The following IGFBP2 variants were observed in gnomAD, a reference collection of about 807,000 sequenced individuals.
The protein encoded by IGFBP2 is insulin-like growth factor-binding protein 2.
A neutral mutation model predicts 26.2 loss-of-function variants in IGFBP2; 12 were observed. The observed-to-expected ratio is 0.46, with a 90% CI of 0.29 to 0.74. The LOEUF is 0.74. Ranked by LOEUF, IGFBP2 falls within the 30% of genes least tolerant of loss-of-function variation. The pLI, the probability that IGFBP2 is intolerant of heterozygous loss-of-function variation, is 0.09. For missense variants in IGFBP2, 328 were observed against 441.2 expected (o/e 0.74, Z 2.30); for synonymous variants, 189 against 200.6 (o/e 0.94, Z 0.49).
intron 1 of IGFBP2, among the ~76,000 whole-genome samples, chr2:216,656,145 C>T (rs1697918824): frequency 6.6e-6 from 1 of 152,076 alleles, no homozygotes; most frequent in Admixed American, 6.5e-5. Flanking sequence ...AATGTGTTTC[C>T]AGAGATTGCA....
chr2:216,634,517 C>T (rs1391147852), intron 1 of IGFBP2, among the ~76,000 whole-genome samples: 1 of 152,110 alleles, frequency 6.6e-6, no homozygotes, highest in African/African-American at 2.4e-5. Context: ...GGATGAGTCG[C>T]TTAGGAGAAA....
At chr2:216,645,670 G>A (rs1013061734) in intron 1 of IGFBP2, among the ~76,000 whole-genome samples, 2 of 152,180 alleles carry the variant, frequency 1.3e-5, no homozygotes, top group Admixed American at 6.5e-5. Flanking sequence ...GGCAGACACC[G>A]CTTTTGGACG....
chr2:216,647,021 A>G (rs572472520), intron 1 of IGFBP2, among the ~76,000 whole-genome samples: 20 of 152,332 alleles, frequency 1.3e-4, no homozygotes, highest in African/African-American at 4.3e-4. Flanking sequence ...CAAGAAAAGC[A>G]TTTTAGAAAG....
intron 1 of IGFBP2, among the ~76,000 whole-genome samples, chr2:216,649,058 A>C (rs911847148): frequency 6.6e-6 from 1 of 152,238 alleles, no homozygotes; most frequent in African/African-American, 2.4e-5. Flanking sequence ...TTTCTTAGCT[A>C]AGCAGACTTG....
Position 216,661,999 on chromosome 2 carries a change from G to GT in IGFBP2, c.813+2dup. The GT allele has an allele frequency of 6.2e-7, 1 of 1,613,988 alleles. No homozygotes were observed. The highest frequency in any genetic ancestry group is 8.5e-7 in the Non-Finnish European group (1 of 1,179,950). On this transcript the variant is annotated splice_donor_variant, in intron 3 of 3. Transcript: ENST00000233809. LOFTEE classifies it high-confidence loss of function. ...GCATGGCCTGTACAACCTCAAACAG[G>GT]TGAGCATGGTGCCAGCCTGGGCCAG... is the stretch of plus-strand genomic sequence containing the variant.
intron 1 of IGFBP2, among the ~76,000 whole-genome samples, chr2:216,636,098 G>T (rs1345225769): frequency 6.6e-6 from 1 of 152,150 alleles, no homozygotes; most frequent in Non-Finnish European, 1.5e-5. Context: ...AAGGGGTCAA[G>T]GTTGGAGGCT....
chr2:216,635,968 G>T (rs975388289), intron 1 of IGFBP2, among the ~76,000 whole-genome samples: 1 of 152,030 alleles, frequency 6.6e-6, no homozygotes, highest in Non-Finnish European at 1.5e-5. Flanking sequence ...GGGTGGGGCT[G>T]GAAGCTGAGT....
chr2:216,647,665 GCC>G, intron 1 of IGFBP2, among the ~76,000 whole-genome samples: 9 of 151,904 alleles, frequency 5.9e-5, no homozygotes, highest in Non-Finnish European at 1.3e-4. Context: ...GACTACAGGC[GCC>G]CACCACCACG....
In IGFBP2 at chr2:216,637,473, A is replaced by C. The variant is rs541234771; in HGVS notation, c.442+3508A>C. Among the ~76,000 whole-genome samples the C allele has an allele frequency of 3.9e-5, 6 of 152,356 alleles. No individual in the cohort carries two copies. The East Asian group carries it at 1.2e-3, about 29-fold the overall frequency. On this transcript the variant is annotated intron_variant, in intron 1 of 3. Coordinates refer to ENST00000233809, the MANE Select transcript of IGFBP2 (RefSeq NM_000597.3). ...GGCTGCAGTTTGAGGAAGCTGCAGA[A>C]TCCGGGTCTTCTTTGTTTGAAATTT...
upstream of IGFBP2, chr2:216,632,903 A>C (rs991360334): frequency 2.0e-5 from 3 of 152,130 alleles, no homozygotes; most frequent in African/African-American, 7.2e-5. Context: ...ACGGGTCTGA[A>C]ACTCCGCAGG....
intron 1 of IGFBP2, among the ~76,000 whole-genome samples, chr2:216,657,096 T>G (rs967478600): frequency 1.3e-5 from 2 of 151,826 alleles, no homozygotes; most frequent in African/African-American, 4.8e-5. Context: ...TGGGAGGGAG[T>G]CAAAGGGCTC....
At chr2:216,637,301 G>A (rs902628868) in intron 1 of IGFBP2, among the ~76,000 whole-genome samples, 3 of 152,194 alleles carry the variant, frequency 2.0e-5, no homozygotes, top group Non-Finnish European at 4.4e-5. Context: ...ATGGGGAAGC[G>A]CCTGTCTAGG....
intron 1 of IGFBP2, among the ~76,000 whole-genome samples, chr2:216,657,408 C>T (rs1395121199): frequency 6.6e-5 from 10 of 152,306 alleles, no homozygotes; most frequent in Non-Finnish European, 4.4e-5. Context: ...AGACTTTCCC[C>T]GGCCTTTCTC....
intron 1 of IGFBP2, among the ~76,000 whole-genome samples, chr2:216,656,624 T>C (rs2106203340): frequency 1.3e-5 from 2 of 152,188 alleles, no homozygotes; most frequent in Middle Eastern, 6.8e-3. Flanking sequence ...ACATCTGGAG[T>C]ACACTGGATG....
chr2:216,636,724 C>T (rs1488995503), intron 1 of IGFBP2, among the ~76,000 whole-genome samples: 1 of 152,154 alleles, frequency 6.6e-6, no homozygotes, highest in African/African-American at 2.4e-5. Context: ...TTGGGCCAGT[C>T]CAGGCCCTTT....
chr2:216,651,542 A>G (rs894726099), intron 1 of IGFBP2, among the ~76,000 whole-genome samples: 3 of 152,236 alleles, frequency 2.0e-5, no homozygotes, highest in African/African-American at 7.2e-5. Context: ...AAGGACTTCT[A>G]TTAAATGGCA....
intron 2 of IGFBP2, 122 bp downstream of exon 2, chr2:216,660,908 T>C (rs1688627095): frequency 6.9e-6 from 5 of 724,342 alleles, no homozygotes; most frequent in Non-Finnish European, 1.2e-5. Flanking sequence ...CACTTTTCTT[T>C]CCACAAACAT....
chr2:216,633,948 G>A lies in IGFBP2; in HGVS notation c.425G>A (p.Ser142Asn), dbSNP rs752511296. The A allele has an allele frequency of 2.5e-6, 4 of 1,602,024 alleles. No individual in the cohort carries two copies. In the African/African-American group the frequency reaches 4.0e-5, roughly 16 times the overall value. The stretch of plus-strand genomic sequence containing the variant: ...CGCCGGGACGCCGAGTATGGCGCCA[G>A]CCCGGAGCAGGTTGCAGGTAACGCG... Reference protein sequence around the residue: ...EKRRDAEYGASPEQVADNGDD... With the variant: ...EKRRDAEYGANPEQVADNGDD... Residue 142 changes from serine to asparagine, a missense_variant, in exon 1 of 4, where the codon AGC (serine) becomes AAC (asparagine). Transcript: ENST00000233809.
chr2:216,634,772 A>G (rs897150685), intron 1 of IGFBP2, among the ~76,000 whole-genome samples: 1 of 19,216 alleles, frequency 5.2e-5, no homozygotes, highest in African/African-American at 2.2e-4. Flanking sequence ...CCCCGCCCCT[A>G]TCTTAAATTG....
Sources: allele counts gnomAD v4.1 joint callset (sites outside exome capture counted in the v4.1 genomes callset), GRCh38; gene constraint gnomAD v4.1.1; transcripts MANE v1.5; gene names NCBI Gene and HGNC (gene_info 2026-07-23, HGNC 2026-07-21).